TBC1D22A: variants seen among roughly 807,000 people sequenced by gnomAD.
TBC1D22A encodes putative GTPase activator.
In TBC1D22A, 38 loss-of-function variants were observed where a neutral mutation model predicts 60.2. The ratio of observed to expected loss-of-function variants is 0.63; its 90% CI spans 0.49 to 0.83. The LOEUF is 0.83. TBC1D22A is among the 40% of genes least tolerant of loss of function. The pLI is 0.00. For synonymous variants in TBC1D22A, 302 were observed against 281.7 expected, an observed-to-expected ratio of 1.07 and a Z score of -0.72; for missense variants, 628 against 701.0, an observed-to-expected ratio of 0.90 and a Z score of 1.18.
chr22:47,090,991 C>A (rs1038952717), intron 11 of TBC1D22A, among the ~76,000 whole-genome samples: 3 of 121,620 alleles, frequency 2.5e-5, no homozygotes, highest in Non-Finnish European at 4.9e-5. Context: ...GGGGAGTGGC[C>A]TCGCAGAGGG....
chr22:47,100,663 C>T (rs142472134), intron 11 of TBC1D22A, among the ~76,000 whole-genome samples: 2 of 152,234 alleles, frequency 1.3e-5, no homozygotes, highest in African/African-American at 2.4e-5. Flanking sequence ...CCACGTAAGA[C>T]GTGACTTGCT....
intron 11 of TBC1D22A, among the ~76,000 whole-genome samples, chr22:47,042,531 G>A (rs1830922803): frequency 6.6e-6 from 1 of 152,266 alleles, no homozygotes; most frequent in Admixed American, 6.5e-5. Flanking sequence ...GGAGCTATCT[G>A]ATTGTGTTCC....
At chr22:47,157,682 T>C (rs2067781480) in intron 12 of TBC1D22A, among the ~76,000 whole-genome samples, 1 of 152,214 alleles carries the variant, frequency 6.6e-6, no homozygotes, top group Non-Finnish European at 1.5e-5. Flanking sequence ...CACAGCTCGC[T>C]GACCCTCGCT....
chr22:47,039,308 G>T (rs1353971436), intron 11 of TBC1D22A, among the ~76,000 whole-genome samples: 2 of 152,064 alleles, frequency 1.3e-5, no homozygotes. Flanking sequence ...AGAATCGGGG[G>T]TATTTCTATT....
chr22:47,096,838 A>G (rs1015037782), intron 11 of TBC1D22A, among the ~76,000 whole-genome samples: 1 of 152,166 alleles, frequency 6.6e-6, no homozygotes, highest in African/African-American at 2.4e-5. Context: ...AATAAAAATA[A>G]ATAAATAAAT....
Position 47,173,553 on chromosome 22 carries a change from T to C in TBC1D22A, c.1481T>C (p.Ile494Thr). ...ACAGCCCACTGGGATGATGAGGACA[T>C]CAGCCTGTTGCTGGCCGAGGCCTAC... ...LPTAHWDDED[I>T]SLLLAEAYRL... is the part of the protein sequence containing the mutation. Residue 494 changes from isoleucine to threonine, a missense_variant, in exon 13 of 13, where the codon ATC becomes ACC. Transcript: ENST00000337137. 1 of 1,614,166 alleles carries C rather than the reference T, an allele frequency of 6.2e-7. No individual in the cohort carries two copies. The highest frequency in any genetic ancestry group is 2.2e-5 in the East Asian group (1 of 44,862).
At chr22:46,779,932 T>C (rs2146788299) in intron 1 of TBC1D22A, among the ~76,000 whole-genome samples, 1 of 152,362 alleles carries the variant, frequency 6.6e-6, no homozygotes, top group Admixed American at 6.5e-5. Context: ...CACATGTTTC[T>C]GCTGTTGACC....
rs1324519181 is a variant in TBC1D22A at position 46,793,584 on chromosome 22, C to T, written c.203C>T (p.Thr68Ile). Residue 68 changes from threonine (T) to isoleucine (I), a missense_variant, in exon 3 of 13, where the codon ACC (threonine) becomes ATC (isoleucine). Thr to Ile is a moderately conservative substitution (Grantham distance 89). Coordinates refer to ENST00000337137, the MANE Select transcript of TBC1D22A (RefSeq NM_014346.5). The part of the protein sequence containing the change: ...VSTFQEFESN[T>I]SDAWDAGEDD... ...ACCTTCCAGGAGTTTGAGAGCAATA[C>T]CAGCGATGCCTGGGACGCTGGGGAG... The T allele has an allele frequency of 6.2e-7, 1 of 1,613,962 alleles. No individual in the cohort carries two copies. Among genetic ancestry groups the T allele is most frequent in the East Asian group, 2.2e-5 (1 of 44,892 alleles).
At chr22:46,897,652 G>GTTTTTTTTTTTT (rs34529641) in intron 7 of TBC1D22A, among the ~76,000 whole-genome samples, 26 of 111,450 alleles carry the variant, frequency 2.3e-4, no homozygotes, top group African/African-American at 5.1e-4. Context: ...TTTTTTTTGT[G>GTTTTTTTTTTTT]TTTTTTTTTT....
At chr22:46,960,066 A>G (rs961388209) in intron 8 of TBC1D22A, among the ~76,000 whole-genome samples, 52 of 152,160 alleles carry the variant, frequency 3.4e-4, no homozygotes, top group Non-Finnish European at 1.9e-4. Context: ...TAGCAGGGGA[A>G]TCACACAGTG....
chr22:46,963,701 C>T (rs1419082838), intron 8 of TBC1D22A, among the ~76,000 whole-genome samples: 1 of 152,218 alleles, frequency 6.6e-6, no homozygotes, highest in African/African-American at 2.4e-5. Flanking sequence ...CCGGGCAGGA[C>T]ATGGGGTCTT....
intron 7 of TBC1D22A, among the ~76,000 whole-genome samples, chr22:46,908,140 C>T (rs922170528): frequency 9.2e-5 from 14 of 152,148 alleles, no homozygotes; most frequent in Admixed American, 5.2e-4. Flanking sequence ...TGCTGCTCAG[C>T]GGGATGTGGA....
At chr22:46,964,603 G>A (rs1019112809) in intron 8 of TBC1D22A, among the ~76,000 whole-genome samples, 2 of 152,116 alleles carry the variant, frequency 1.3e-5, no homozygotes, top group South Asian at 2.1e-4. Context: ...TACATGGACC[G>A]TCTGTCCAAT....
chr22:47,026,563 G>A (rs1478902453), intron 10 of TBC1D22A, among the ~76,000 whole-genome samples: 2 of 152,122 alleles, frequency 1.3e-5, no homozygotes. Context: ...CAAGGGTTCA[G>A]GATACAGGAT....
At chr22:47,011,982 T>G (rs1336451811) in intron 10 of TBC1D22A, among the ~76,000 whole-genome samples, 1 of 151,994 alleles carries the variant, frequency 6.6e-6, no homozygotes, top group Non-Finnish European at 1.5e-5. Context: ...AGTAAATCCT[T>G]TCCCACCCCG....
chr22:46,802,016 C>T (rs1028967562), intron 4 of TBC1D22A, among the ~76,000 whole-genome samples: 2 of 152,220 alleles, frequency 1.3e-5, no homozygotes, highest in African/African-American at 2.4e-5. Context: ...GAAGCAGGTG[C>T]GGCCTTGGAG....
At chr22:46,891,763 A>G (rs1386191323) in intron 6 of TBC1D22A, among the ~76,000 whole-genome samples, 1 of 152,144 alleles carries the variant, frequency 6.6e-6, no homozygotes, top group Non-Finnish European at 1.5e-5. Context: ...AGGCCCAACC[A>G]CTTAGCTGAT....
At chr22:47,154,381 C>T (rs940055145) in intron 12 of TBC1D22A, among the ~76,000 whole-genome samples, 3 of 152,184 alleles carry the variant, frequency 2.0e-5, no homozygotes, top group Non-Finnish European at 4.4e-5. Context: ...TCTGACTGAC[C>T]GTAGCTGCAG....
intron 7 of TBC1D22A, among the ~76,000 whole-genome samples, chr22:46,896,223 C>T (rs1321759140): frequency 1.3e-5 from 2 of 152,110 alleles, no homozygotes; most frequent in African/African-American, 2.4e-5. Flanking sequence ...TCGATTCGCT[C>T]CTTTATTAGT....
Sources: gnomAD v4.1 joint callset for allele counts (sites outside exome capture counted in the v4.1 genomes callset) on GRCh38, gnomAD v4.1.1 for gene constraint, MANE v1.5 for transcripts, NCBI Gene and HGNC (gene_info 2026-07-23, HGNC 2026-07-21) for gene names.